Variants in TLK2 observed in about 807,000 individuals in gnomAD.
TLK2 encodes the protein tousled like kinase 2.
TLK2 carries 6 observed loss-of-function variants against 117.3 expected under a neutral mutation model. The ratio of observed to expected loss-of-function variants is 0.05; its 90% CI spans 0.03 to 0.10. The LOEUF is 0.10. Ranked by LOEUF, TLK2 falls within the 10% of genes least tolerant of loss-of-function variation. TLK2 has a pLI of 1.00. For missense variants in TLK2, 299 were observed against 901.2 expected, an observed-to-expected ratio of 0.33 and a Z score of 8.56; for synonymous variants, 257 against 316.7, an observed-to-expected ratio of 0.81 and a Z score of 2.00.
chr17:62,560,665 T>A (rs2079190687), intron 10 of TLK2, among the ~76,000 whole-genome samples: 3 of 150,438 alleles, frequency 2.0e-5, no homozygotes, highest in South Asian at 4.2e-4. Context: ...ATTAGAATTT[T>A]TTTTTTTTTT....
chr17:62,573,146 G>A (rs890899682), intron 11 of TLK2, 69 bp from the exon 12 acceptor site: 3 of 1,493,652 alleles, frequency 2.0e-6, no homozygotes, highest in African/African-American at 2.8e-5. Context: ...GTGACAAATT[G>A]TGTGTGTTCC....
At chr17:62,579,399 T>C (rs1446980793) in intron 14 of TLK2, among the ~76,000 whole-genome samples, 3 of 152,196 alleles carry the variant, frequency 2.0e-5, no homozygotes, top group Non-Finnish European at 2.9e-5. Flanking sequence ...AGAGTTCAAC[T>C]TGGATCTTTT....
intron 15 of TLK2, among the ~76,000 whole-genome samples, chr17:62,581,814 G>A (rs2081242924): frequency 6.6e-6 from 1 of 152,136 alleles, no homozygotes; most frequent in Admixed American, 6.6e-5. Context: ...TATGCAAGCA[G>A]CTTTGTCAAA....
At chr17:62,518,938 GC>G (rs1567837280) in intron 2 of TLK2, among the ~76,000 whole-genome samples, 2 of 152,290 alleles carry the variant, frequency 1.3e-5, no homozygotes, top group East Asian at 3.9e-4. Flanking sequence ...AGTGCAATGT[GC>G]AGTGGCGCGA....
Position 62,514,407 on chromosome 17 carries a change from G to A in TLK2, c.82-6366G>A, listed in dbSNP as rs188873385. On this transcript the variant is annotated intron_variant, in intron 2 of 21. Coordinates refer to ENST00000346027, the MANE Select transcript of TLK2 (RefSeq NM_006852.6). ...TGATCCACCACCTCAGCTGCCCACA[G>A]TTCTGGGCTTACAGGTGTGAGCCAC... Among the ~76,000 whole-genome samples the A allele has an allele frequency of 1.4e-3, 214 of 151,426 alleles. 1 individual carries two copies. The highest frequency in any genetic ancestry group is 2.1e-3 in the Non-Finnish European group (145 of 67,922).
At chr17:62,590,055 C>T (rs1341586555) in intron 16 of TLK2, among the ~76,000 whole-genome samples, 3 of 150,712 alleles carry the variant, frequency 2.0e-5, no homozygotes, top group Non-Finnish European at 4.4e-5. Context: ...GATCCATCCG[C>T]CTCAGCCTCC....
chr17:62,497,068 G>T (rs11654308), intron 2 of TLK2, among the ~76,000 whole-genome samples: 50,480 of 151,706 alleles, frequency 0.33, 8,538 homozygotes, highest in Admixed American at 0.39. Flanking sequence ...ACCAGCCTGG[G>T]CAAAGTGGTG....
chr17:62,478,274 C>T (rs1222850701), upstream of TLK2, among the ~76,000 whole-genome samples: 1 of 151,448 alleles, frequency 6.6e-6, no homozygotes, highest in African/African-American at 2.4e-5. Context: ...AACTCCATCC[C>T]TGGGAAAAGC....
intron 19 of TLK2, among the ~76,000 whole-genome samples, chr17:62,603,933 A>G (rs1364713815): frequency 1.3e-5 from 2 of 152,040 alleles, no homozygotes; most frequent in Non-Finnish European, 2.9e-5. Flanking sequence ...AACTATTTGC[A>G]GTATTTACTG....
intron 19 of TLK2, among the ~76,000 whole-genome samples, chr17:62,602,424 G>A (rs1014288766): frequency 6.6e-6 from 1 of 152,256 alleles, no homozygotes; most frequent in Admixed American, 6.5e-5. Flanking sequence ...TATGTGTCCA[G>A]GTATTTGAAA....
At chr17:62,495,886 G>C (rs181525224) in intron 2 of TLK2, among the ~76,000 whole-genome samples, 1 of 151,092 alleles carries the variant, frequency 6.6e-6, no homozygotes, top group Non-Finnish European at 1.5e-5. Context: ...CTTTGGTCTC[G>C]AACTCCTGAG....
At chr17:62,598,948 T>A (rs187279948) in intron 17 of TLK2, among the ~76,000 whole-genome samples, 560 of 152,202 alleles carry the variant, frequency 3.7e-3, no homozygotes, top group Non-Finnish European at 6.2e-3. Flanking sequence ...TTTCTTTTTT[T>A]AATTTTATTT....
chr17:62,570,461 T>TA (rs2146558568), intron 11 of TLK2, among the ~76,000 whole-genome samples: 1 of 152,304 alleles, frequency 6.6e-6, no homozygotes, highest in South Asian at 2.1e-4. Context: ...TGCTGGGGGA[T>TA]ATACGGATTG....
chr17:62,542,739 C>CT (rs2077626450), intron 7 of TLK2, among the ~76,000 whole-genome samples: 1 of 152,124 alleles, frequency 6.6e-6, no homozygotes, highest in African/African-American at 2.4e-5. Flanking sequence ...TCTACTGGAT[C>CT]TTTTTTTCCC....
At chr17:62,506,400 C>T (rs1478241850) in intron 2 of TLK2, among the ~76,000 whole-genome samples, 2 of 152,174 alleles carry the variant, frequency 1.3e-5, no homozygotes, top group Non-Finnish European at 2.9e-5. Context: ...AACTTGTTAA[C>T]GCTTGTGCCA....
intron 17 of TLK2, among the ~76,000 whole-genome samples, chr17:62,597,803 A>G (rs540691976): frequency 4.6e-5 from 7 of 152,324 alleles, no homozygotes; most frequent in African/African-American, 1.4e-4. Flanking sequence ...GTTACTTGGT[A>G]TAGGTAACCT....
In TLK2 at chr17:62,540,502, G is replaced by A. The variant is rs556409078; in HGVS notation, c.531+4165G>A. 7.1e-5 allele frequency among the ~76,000 whole-genome samples: 10 copies of A among 140,632 alleles called. No homozygotes were observed. In the East Asian group the frequency reaches 1.7e-3, roughly 24 times the overall value. The allele number at this position is 140,632 out of a possible 152,430, so 92.3% of individuals were successfully genotyped here. A position where few individuals can be genotyped will look rare whatever the true frequency, so the allele number is the denominator to read the frequency against. ...AACTTCCACCTCCCAGGTTCAAGCCGGTTCTCCTGCCTCAGCCTCCCAAGT... is the reference window on the plus strand; with the variant it reads ...AACTTCCACCTCCCAGGTTCAAGCCAGTTCTCCTGCCTCAGCCTCCCAAGT... On this transcript the variant is annotated intron_variant, in intron 7 of 21. Transcript: ENST00000346027.
chr17:62,494,637 CAA>C (rs965090894), intron 2 of TLK2, among the ~76,000 whole-genome samples: 1 of 152,136 alleles, frequency 6.6e-6, no homozygotes, highest in Non-Finnish European at 1.5e-5. Context: ...CCACCCGTCT[CAA>C]GTGATTCACC....
At chr17:62,518,529 C>A (rs2075796914) in intron 2 of TLK2, among the ~76,000 whole-genome samples, 1 of 151,924 alleles carries the variant, frequency 6.6e-6, no homozygotes, top group Admixed American at 6.6e-5. Flanking sequence ...CATGGTGAAA[C>A]CCCTTCTCTA....
Sources: allele counts gnomAD v4.1 joint callset (sites outside exome capture counted in the v4.1 genomes callset), GRCh38; gene constraint gnomAD v4.1.1; transcripts MANE v1.5; gene names NCBI Gene and HGNC (gene_info 2026-07-23, HGNC 2026-07-21).